The following ZNF740 variants were observed in gnomAD, a reference collection of about 807,000 sequenced individuals.
ZNF740 encodes the protein zinc finger protein 740, also known as oriLyt TD-element-binding protein 7.
In ZNF740, 14 loss-of-function variants were observed where a neutral mutation model predicts 24.8. The observed-to-expected ratio is 0.56, with a 90% CI of 0.37 to 0.88. The LOEUF is 0.88. Among genes scored for constraint, ZNF740 ranks in the 40% least tolerant of loss-of-function variants. ZNF740 has a pLI of 0.00. For missense variants in ZNF740, 201 were observed against 247.9 expected (o/e 0.81, Z 1.27); for synonymous variants, 69 against 84.0 (o/e 0.82, Z 0.98).
chr12:53,185,700 C>T (rs536540482), intron 4 of ZNF740, among the ~76,000 whole-genome samples: 72 of 152,284 alleles, frequency 4.7e-4, no homozygotes, highest in African/African-American at 1.6e-3. Context: ...TCCCAGATCC[C>T]GAGGCATGGG....
chr12:53,184,004 A>G (rs1421490685), intron 2 of ZNF740, among the ~76,000 whole-genome samples: 1 of 150,954 alleles, frequency 6.6e-6, no homozygotes, highest in Non-Finnish European at 1.5e-5. Context: ...AGCCTGGGCG[A>G]CAGAGTGACA....
At chr12:53,185,342 T>C (rs748373635) in intron 3 of ZNF740, 45 bp from the exon 4 acceptor site, 5 of 1,590,010 alleles carry the variant, frequency 3.1e-6, no homozygotes, top group Non-Finnish European at 4.3e-6. Flanking sequence ...TCTCATCTCA[T>C]GTTCCGAGAT....
chr12:53,184,200 T>TGA (rs1312816885), intron 2 of ZNF740, among the ~76,000 whole-genome samples: 7 of 142,360 alleles, frequency 4.9e-5, no homozygotes, highest in Admixed American at 3.6e-4. Context: ...TGTGTGTGTG[T>TGA]GAGTGACGGA....
In ZNF740 at chr12:53,187,999, G is replaced by A. The variant is rs942398236; in HGVS notation, c.*409G>A. 16 of 203,650 alleles carry A rather than the reference G, an allele frequency of 7.9e-5. No homozygotes were observed. Among genetic ancestry groups the A allele is most frequent in the East Asian group, 3.6e-4 (3 of 8,432 alleles). 12.6% of individuals were successfully genotyped at this position (203,650 alleles called of 1,614,324 possible). ...TTGTTTATCCAAAAGCAACTTCAGCGGGTAAACTGTGGATACAGGTAATCC... is the reference window on the plus strand; with the variant it reads ...TTGTTTATCCAAAAGCAACTTCAGCAGGTAAACTGTGGATACAGGTAATCC... On this transcript the variant is annotated 3_prime_UTR_variant, in exon 7 of 7. Coordinates refer to ENST00000416904, the MANE Select transcript of ZNF740 (RefSeq NM_001004304.4).
Position 53,187,917 on chromosome 12 carries a change from C to T in ZNF740, c.*327C>T. On this transcript the variant is annotated 3_prime_UTR_variant, in exon 7 of 7. Transcript: ENST00000416904. Reference sequence around the variant, plus strand: ...TGGCTCCCACAACCTTGGACTCCAGCTGGCAGCTGAAATGGAAAAGATTGG... The same window carrying T: ...TGGCTCCCACAACCTTGGACTCCAGTTGGCAGCTGAAATGGAAAAGATTGG... The T allele has an allele frequency of 3.4e-6, 1 of 289,922 alleles. No individual in the cohort carries two copies. Among genetic ancestry groups the T allele is most frequent in the Non-Finnish European group, 6.6e-6 (1 of 152,382 alleles). 18.0% of individuals were successfully genotyped at this position (289,922 alleles called of 1,614,324 possible).
chr12:53,191,915 C>T lies in ZNF740; in HGVS notation c.*4325C>T. On this transcript the variant is annotated 3_prime_UTR_variant, in exon 7 of 7. Coordinates refer to ENST00000416904, the MANE Select transcript of ZNF740 (RefSeq NM_001004304.4). ...TCAAAGCGACTGTATTCCCGGCGGT[C>T]ATAGATTTCCACCGAGAGCCGGTAA... 6.2e-7 allele frequency: 1 copy of T among 1,610,860 alleles called. No homozygotes were observed. The highest frequency in any genetic ancestry group is 8.5e-7 in the Non-Finnish European group (1 of 1,179,780).
intron 2 of ZNF740, among the ~76,000 whole-genome samples, chr12:53,184,152 C>T (rs11170459): frequency 0.15 from 6,202 of 41,716 alleles, 188 homozygotes; most frequent in East Asian, 0.28. Context: ...TGTGTGTGTG[C>T]GCGCGCGCGC....
rs1383067400 is a variant in ZNF740, at chr12:53,182,008, GTCC to G, written c.9+23_9+25del. ...CATGGCTCAGGTAAAAAGCTCTAGAGTCCTCCTCCAAGATAACTGGGAAGCCTG... is the reference window on the plus strand; with the variant it reads ...CATGGCTCAGGTAAAAAGCTCTAGAGTCCTCCAAGATAACTGGGAAGCCTG... On this transcript the variant is annotated intron_variant, in intron 2 of 6. Transcript: ENST00000416904. 1.2e-6 allele frequency: 2 copies of G among 1,606,830 alleles called. No individual in the cohort carries two copies. The highest frequency in any genetic ancestry group is 1.7e-4 in the Middle Eastern group (1 of 6,054).
Position 53,192,421 on chromosome 12 carries a change from G to C in ZNF740, c.*4831G>C. ...GCTGGTTGTCCAGGGTCCGCTCTTTGCACCAGCCATCATCCAAGATAGGGG... is the reference window on the plus strand; with the variant it reads ...GCTGGTTGTCCAGGGTCCGCTCTTTCCACCAGCCATCATCCAAGATAGGGG... On this transcript the variant is annotated 3_prime_UTR_variant, in exon 7 of 7. Coordinates refer to ENST00000416904, the MANE Select transcript of ZNF740 (RefSeq NM_001004304.4). 6.2e-7 allele frequency: 1 copy of C among 1,614,074 alleles called. No homozygotes were observed. Among genetic ancestry groups the C allele is most frequent in the Non-Finnish European group, 8.5e-7 (1 of 1,180,028 alleles).
In ZNF740 at chr12:53,191,499, C is replaced by G. The variant is rs1941940728; in HGVS notation, c.*3909C>G. The G allele has an allele frequency of 1.1e-5, 15 of 1,389,474 alleles. No individual in the cohort carries two copies. In the South Asian group the frequency reaches 1.7e-4, roughly 16 times the overall value. 86.1% of individuals were successfully genotyped at this position (1,389,474 alleles called of 1,614,324 possible). A position where few individuals can be genotyped will look rare whatever the true frequency, so the allele number is the denominator to read the frequency against. The stretch of plus-strand genomic sequence containing the variant: ...TTACAGACCCACCCTTCCTCTCACC[C>G]TCCAGTTCCCACTGTCCTCCAAGGA... On this transcript the variant is annotated 3_prime_UTR_variant, in exon 7 of 7. Coordinates refer to ENST00000416904, the MANE Select transcript of ZNF740 (RefSeq NM_001004304.4).
chr12:53,185,266 T>C, intron 3 of ZNF740, 121 bp from the exon 4 acceptor site: 1 of 1,214,600 alleles, frequency 8.2e-7, no homozygotes, highest in South Asian at 1.4e-5. Context: ...GTTGTATACT[T>C]CCTCTAAGCT....
Position 53,193,779 on chromosome 12 carries a change from A to G in ZNF740, c.*6189A>G, listed in dbSNP as rs61761308. 3.3e-4 allele frequency: 539 copies of G among 1,614,068 alleles called. No homozygotes were observed. The East Asian group carries it at 7.9e-3, about 24-fold the overall frequency. On this transcript the variant is annotated 3_prime_UTR_variant, in exon 7 of 7. Coordinates refer to ENST00000416904, the MANE Select transcript of ZNF740 (RefSeq NM_001004304.4). The stretch of plus-strand genomic sequence containing the variant: ...GAGCCTGGGGCTGGGTGTCACTGCA[A>G]TTACAGTCACACAGCGTGTGCAACT...
In ZNF740 at chr12:53,192,107, C is replaced by T; in HGVS notation, c.*4517C>T. 3 of 1,479,968 alleles carry T rather than the reference C, an allele frequency of 2.0e-6. No individual in the cohort carries two copies. Among genetic ancestry groups the T allele is most frequent in the Non-Finnish European group, 2.7e-6 (3 of 1,095,406 alleles). The allele number at this position is 1,479,968 out of a possible 1,614,324, so 91.7% of individuals were successfully genotyped here. A position where few individuals can be genotyped will look rare whatever the true frequency, so the allele number is the denominator to read the frequency against. The stretch of plus-strand genomic sequence containing the variant: ...TCACAGTGTGTCCAGCCTGTCCAAC[C>T]CTGTCTGTCACTGAAAGCAAAGGGA... On this transcript the variant is annotated 3_prime_UTR_variant, in exon 7 of 7. Transcript: ENST00000416904.
At chr12:53,185,552 G>A in intron 4 of ZNF740, 76 bp downstream of exon 4, 1 of 1,355,984 alleles carries the variant, frequency 7.4e-7, no homozygotes, top group Non-Finnish European at 1.0e-6. Flanking sequence ...CCTCTACCAT[G>A]TAACCTGGAG....
At position 53,180,760 on chromosome 12, in the gene ZNF740, G is replaced by GTGGGGTTGGCAGGGTGTGC; in HGVS notation, c.-379_-361dup. 3.2e-6 allele frequency: 4 copies of GTGGGGTTGGCAGGGTGTGC among 1,268,838 alleles called. No homozygotes were observed. Among genetic ancestry groups the GTGGGGTTGGCAGGGTGTGC allele is most frequent in the Non-Finnish European group, 4.1e-6 (4 of 979,726 alleles). The allele number at this position is 1,268,838 out of a possible 1,614,324, so 78.6% of individuals were successfully genotyped here. A position where few individuals can be genotyped will look rare whatever the true frequency, so the allele number is the denominator to read the frequency against. On this transcript the variant is annotated 5_prime_UTR_variant, in exon 1 of 7. Transcript: ENST00000416904. Reference sequence around the variant, plus strand: ...GGTCCCGGTGGGGGCAGCCGCGGCGGTGGGGTTGGCAGGGTGTGCTGGGGC... The same window carrying GTGGGGTTGGCAGGGTGTGC: ...GGTCCCGGTGGGGGCAGCCGCGGCGGTGGGGTTGGCAGGGTGTGCTGGGGTTGGCAGGGTGTGCTGGGGC...
In ZNF740 at chr12:53,194,847, T is replaced by G. The variant is rs573129984; in HGVS notation, c.*7257T>G. ...TTATGGTTCCTTCTACCTGTAAAAT[T>G]CTATGGTTCTTGTGAAGAATAGCTC... On this transcript the variant is annotated 3_prime_UTR_variant, in exon 7 of 7. Transcript: ENST00000416904. 10 of 168,648 alleles carry G rather than the reference T, an allele frequency of 5.9e-5. No individual in the cohort carries two copies. The highest frequency in any genetic ancestry group is 2.1e-4 in the African/African-American group (9 of 41,954). The allele number at this position is 168,648 out of a possible 1,614,324, so 10.4% of individuals were successfully genotyped here. A position where few individuals can be genotyped will look rare whatever the true frequency, so the allele number is the denominator to read the frequency against.
At position 53,186,570 on chromosome 12, in the gene ZNF740, CACCCTCCACTCCTGCCT is replaced by C. The variant is rs1941825582; in HGVS notation, c.492+62_492+78del. 6.7e-6 allele frequency: 9 copies of C among 1,349,584 alleles called. No homozygotes were observed. In the East Asian group the frequency reaches 2.3e-4, roughly 34 times the overall value. 83.6% of individuals were successfully genotyped at this position (1,349,584 alleles called of 1,614,324 possible). On this transcript the variant is annotated intron_variant, in intron 6 of 6. Coordinates refer to ENST00000416904, the MANE Select transcript of ZNF740 (RefSeq NM_001004304.4). ...CTTTTCCTTCCCCAAGAATCAGGGC[CACCCTCCACTCCTGCCT>C]GACAAAAGAGCCACCAGCGTTACTC... is the stretch of plus-strand genomic sequence containing the variant.
At chr12:53,182,117 G>A in intron 2 of ZNF740, 125 bp downstream of exon 2, 1 of 1,365,638 alleles carries the variant, frequency 7.3e-7, no homozygotes, top group Non-Finnish European at 1.0e-6. Context: ...TAAGCACCAG[G>A]GGGAGATCTA....
Position 53,193,464 on chromosome 12 carries a change from G to T in ZNF740, c.*5874G>T. ...TAAACCCAAGTTCTCAAAAGAGTTGGAGACAGACAAACAGCTGAAAGGATG... is the reference window on the plus strand; with the variant it reads ...TAAACCCAAGTTCTCAAAAGAGTTGTAGACAGACAAACAGCTGAAAGGATG... On this transcript the variant is annotated 3_prime_UTR_variant, in exon 7 of 7. Coordinates refer to ENST00000416904, the MANE Select transcript of ZNF740 (RefSeq NM_001004304.4). 1.1e-6 allele frequency: 1 copy of T among 893,100 alleles called. No homozygotes were observed. The highest frequency in any genetic ancestry group is 1.7e-6 in the Non-Finnish European group (1 of 597,324). The allele number at this position is 893,100 out of a possible 1,614,324, so 55.3% of individuals were successfully genotyped here.
Sources: allele counts gnomAD v4.1 joint callset (sites outside exome capture counted in the v4.1 genomes callset), GRCh38; gene constraint gnomAD v4.1.1; transcripts MANE v1.5; gene names NCBI Gene and HGNC (gene_info 2026-07-23, HGNC 2026-07-21).